CDIN1: variants seen among roughly 807,000 people sequenced by gnomAD.
CDIN1 encodes the protein CDAN1-interacting nuclease 1.
CDIN1 carries 33 observed loss-of-function variants against 45.3 expected under a neutral mutation model. The ratio of observed to expected loss-of-function variants is 0.73; its 90% confidence interval spans 0.55 to 0.97. The LOEUF (loss-of-function observed/expected upper bound fraction) is 0.97, where lower values mean the gene tolerates loss of function less well. CDIN1 is among the 50% of genes least tolerant of loss of function. CDIN1 has a pLI of 0.00. For missense variants in CDIN1, 303 were observed against 339.4 expected, an observed-to-expected ratio of 0.89 and a Z score of 0.84; for synonymous variants, 118 against 124.4, an observed-to-expected ratio of 0.95 and a Z score of 0.34.
chr15:36,712,780 C>T (rs1167065248), intron 10 of CDIN1, among the ~76,000 whole-genome samples: 2 of 152,144 alleles, frequency 1.3e-5, no homozygotes, highest in Admixed American at 6.6e-5. Context: ...CCTACAAGCA[C>T]ATCTCCATCC....
At chr15:36,797,050 G>C (rs1211980674) in intron 10 of CDIN1, among the ~76,000 whole-genome samples, 1 of 152,198 alleles carries the variant, frequency 6.6e-6, no homozygotes, top group Admixed American at 6.5e-5. Flanking sequence ...ATGGTGCAAA[G>C]ATCATTTTGT....
At chr15:36,702,144 G>A (rs2042668634) in intron 8 of CDIN1, 2 of 701,958 alleles carry the variant, frequency 2.8e-6, no homozygotes, top group Admixed American at 4.0e-5. Context: ...AGGGAATGGA[G>A]ATGGCTGGGT....
At chr15:36,767,469 G>GA (rs2053958717) in intron 10 of CDIN1, among the ~76,000 whole-genome samples, 1 of 152,142 alleles carries the variant, frequency 6.6e-6, no homozygotes, top group South Asian at 2.1e-4. Context: ...CATATCTGTT[G>GA]AATTCTAGTT....
chr15:36,631,421 C>A (rs1197525181), intron 1 of CDIN1, among the ~76,000 whole-genome samples: 1 of 152,164 alleles, frequency 6.6e-6, no homozygotes. Flanking sequence ...CCGATCTTTC[C>A]CCTCCTTGTC....
Position 36,774,163 on chromosome 15 carries a change from T to TGTGCGCGCGC in CDIN1, c.717-34160_717-34159insTGCGCGCGCG, listed in dbSNP as rs149222188. Among the ~76,000 whole-genome samples, 515 of 143,140 alleles carry TGTGCGCGCGC rather than the reference T, an allele frequency of 3.6e-3. 3 individuals are homozygous for TGTGCGCGCGC. The highest frequency in any genetic ancestry group is 4.8e-3 in the Non-Finnish European group (317 of 66,110). The allele number at this position is 143,140 out of a possible 152,430, so 93.9% of individuals were successfully genotyped here. ...GTGTGTGTGTGTGTGTGTGTGTGTG[T>TGTGCGCGCGC]GCGCGCGCGCGCATGCATGAGGGGA... On this transcript the variant is annotated intron_variant, in intron 10 of 10. Coordinates refer to ENST00000566621, the MANE Select transcript of CDIN1 (RefSeq NM_001321759.2).
At chr15:36,679,191 GGGGAGTGGGGATGTAAGAT>G (rs1388264645) in intron 5 of CDIN1, among the ~76,000 whole-genome samples, 64 of 152,222 alleles carry the variant, frequency 4.2e-4, no homozygotes, top group African/African-American at 1.4e-3. Context: ...GGCTGGGGTG[GGGGAGTGGGGATGTAAGAT>G]GGGAGTATCA....
intron 8 of CDIN1, among the ~76,000 whole-genome samples, chr15:36,701,122 G>GATAGATAGATAGA (rs1566912597): frequency 1.1e-4 from 11 of 103,868 alleles, no homozygotes; most frequent in Non-Finnish European, 1.7e-4. Flanking sequence ...AGATAGGTAG[G>GATAGATAGATAGA]TAGATAGATA....
intron 10 of CDIN1, among the ~76,000 whole-genome samples, chr15:36,791,561 A>T (rs1159920879): frequency 6.6e-6 from 1 of 152,316 alleles, no homozygotes. Context: ...CTGTAGAGGC[A>T]TAAGTATCTC....
intron 1 of CDIN1, chr15:36,619,126 G>T: frequency 9.2e-7 from 1 of 1,084,180 alleles, no homozygotes; most frequent in Non-Finnish European, 1.4e-6. Context: ...GGATTATTCT[G>T]GCTTCTGAGG....
At chr15:36,649,770 T>C (rs902235384) in intron 3 of CDIN1, among the ~76,000 whole-genome samples, 2 of 152,230 alleles carry the variant, frequency 1.3e-5, no homozygotes, top group African/African-American at 4.8e-5. Flanking sequence ...TCGATAATTC[T>C]TGGAACTCCC....
chr15:36,610,677 T>C (rs745893240), intron 1 of CDIN1, among the ~76,000 whole-genome samples: 1 of 152,220 alleles, frequency 6.6e-6, no homozygotes, highest in Non-Finnish European at 1.5e-5. Flanking sequence ...TAAACAAAGG[T>C]GGATACCTGC....
intron 1 of CDIN1, among the ~76,000 whole-genome samples, chr15:36,635,130 C>T (rs951514561): frequency 2.0e-5 from 3 of 151,964 alleles, no homozygotes; most frequent in Non-Finnish European, 4.4e-5. Context: ...CAGACTATAC[C>T]CTAGGAGTAA....
At chr15:36,793,071 A>G (rs974054341) in intron 10 of CDIN1, among the ~76,000 whole-genome samples, 4 of 152,116 alleles carry the variant, frequency 2.6e-5, no homozygotes, top group African/African-American at 7.2e-5. Flanking sequence ...TGACTTCAAG[A>G]CTGAACCCAG....
intron 10 of CDIN1, among the ~76,000 whole-genome samples, chr15:36,722,965 G>GTT (rs2043483080): frequency 8.1e-6 from 1 of 122,872 alleles, no homozygotes; most frequent in South Asian, 2.4e-4. Flanking sequence ...TTGTGTGTGT[G>GTT]TGTGTGTGTG....
chr15:36,800,914 T>TATATATATATAA, intron 10 of CDIN1, among the ~76,000 whole-genome samples: 1 of 85,570 alleles, frequency 1.2e-5, no homozygotes, highest in African/African-American at 6.0e-5. Flanking sequence ...TGTGTGTATA[T>TATATATATATAA]ATATATATAT....
At chr15:36,683,553 C>T (rs1399838565) in intron 5 of CDIN1, among the ~76,000 whole-genome samples, 10 of 27,662 alleles carry the variant, frequency 3.6e-4, no homozygotes, top group African/African-American at 1.5e-3. Flanking sequence ...ATTGACTTGG[C>T]GATGTGGGCT....
intron 5 of CDIN1, among the ~76,000 whole-genome samples, chr15:36,659,002 C>T (rs1378921452): frequency 2.6e-5 from 4 of 152,110 alleles, no homozygotes; most frequent in Non-Finnish European, 5.9e-5. Flanking sequence ...GGTATGGTTT[C>T]GATTTAATCA....
chr15:36,609,013 A>T (rs1459310379), intron 1 of CDIN1, among the ~76,000 whole-genome samples: 2 of 146,990 alleles, frequency 1.4e-5, no homozygotes, highest in East Asian at 4.0e-4. Context: ...AGATAGATAG[A>T]TAGATAATTT....
chr15:36,652,515 G>A (rs984271685), intron 3 of CDIN1, among the ~76,000 whole-genome samples: 1 of 152,154 alleles, frequency 6.6e-6, no homozygotes, highest in Non-Finnish European at 1.5e-5. Flanking sequence ...CAGTGGCCTT[G>A]TTTGTGAGAA....
Sources: allele counts gnomAD v4.1 joint callset (sites outside exome capture counted in the v4.1 genomes callset), GRCh38; gene constraint gnomAD v4.1.1; transcripts MANE v1.5; gene names NCBI Gene and HGNC (gene_info 2026-07-23, HGNC 2026-07-21).